Variants in MBOAT2 observed in about 807,000 individuals in gnomAD.
MBOAT2 encodes the protein membrane bound glycerophospholipid O-acyltransferase 2, also known as membrane-bound glycerophospholipid O-acyltransferase 2.
Under a neutral mutation model 63.4 loss-of-function variants are expected in MBOAT2, and 28 were observed. The ratio of observed to expected loss-of-function variants is 0.44; its 90% CI spans 0.33 to 0.61. The LOEUF (loss-of-function observed/expected upper bound fraction) is 0.61, where lower values mean the gene tolerates loss of function less well. MBOAT2 is among the 20% of genes least tolerant of loss of function. The probability of loss-of-function intolerance (pLI) is 0.03; values close to 1 mark genes in which losing one functional copy is unlikely to be tolerated. For missense variants in MBOAT2, 470 were observed against 605.8 expected (o/e 0.78, Z 2.35); for synonymous variants, 211 against 215.6 (o/e 0.98, Z 0.19).
At chr2:8,860,587 G>C in intron 12 of MBOAT2, 26 bp downstream of exon 12, 1 of 1,603,206 alleles carries the variant, frequency 6.2e-7, no homozygotes, top group Non-Finnish European at 8.5e-7. Flanking sequence ...TATTCCCACT[G>C]ACAAAGTTTT....
At position 8,864,492 on chromosome 2, in the gene MBOAT2, T is replaced by A. The variant is rs142985982; in HGVS notation, c.988-258A>T. 1.6e-3 allele frequency among the ~76,000 whole-genome samples: 251 copies of A among 152,310 alleles called. 1 individual carries two copies. The highest frequency in any genetic ancestry group is 2.6e-3 in the Non-Finnish European group (178 of 68,024). On this transcript the variant is annotated intron_variant, in intron 9 of 12. Transcript: ENST00000305997. ...TGTATGTTAACATTTACAAGGGATG[T>A]CATGGATTTCTTCCAAAGACATTCC...
Position 8,908,629 on chromosome 2 carries a change from A to G in MBOAT2, c.387T>C (p.Asp129=). Residue 129 remains aspartate (D), a synonymous_variant, in exon 4 of 13, where the codon GAT becomes GAC. Coordinates refer to ENST00000305997, the MANE Select transcript of MBOAT2 (RefSeq NM_138799.4). ...YIFDYGQYSA[D]FSGPMMIITQ... ...CAAAGTTTTCATCTTACCCTGAAAA[A>G]TCAGCAGAATATTGTCCATAGTCAA... 6.3e-7 allele frequency: 1 copy of G among 1,595,544 alleles called. No individual in the cohort carries two copies. The highest frequency in any genetic ancestry group is 8.6e-7 in the Non-Finnish European group (1 of 1,166,930).
At chr2:8,913,628 A>T (rs918739737) in intron 3 of MBOAT2, among the ~76,000 whole-genome samples, 1 of 152,220 alleles carries the variant, frequency 6.6e-6, no homozygotes, top group African/African-American at 2.4e-5. Flanking sequence ...CCACAATGTG[A>T]TACCACCTTA....
chr2:8,957,198 T>C (rs546184110), intron 2 of MBOAT2, among the ~76,000 whole-genome samples: 71 of 152,232 alleles, frequency 4.7e-4, no homozygotes, highest in Non-Finnish European at 9.1e-4. Context: ...TATATTGTTC[T>C]TTGTACCTTT....
At chr2:8,912,373 G>GAGAAAGAAAGAAAGAA (rs139345161) in intron 3 of MBOAT2, among the ~76,000 whole-genome samples, 1,015 of 84,316 alleles carry the variant, frequency 0.012, 34 homozygotes, top group Non-Finnish European at 0.016. Flanking sequence ...AAGAAAGAAA[G>GAGAAAGAAAGAAAGAA]AGAAAGAAAG....
rs1028212787 is a variant in MBOAT2, at chr2:8,859,634, T to G, written c.1338-730A>C. Among the ~76,000 whole-genome samples, 11 of 152,320 alleles carry G rather than the reference T, an allele frequency of 7.2e-5. 1 individual carries two copies. Among genetic ancestry groups the G allele is most frequent in the Admixed American group, 7.2e-4 (11 of 15,306 alleles). On this transcript the variant is annotated intron_variant, in intron 12 of 12. Coordinates refer to ENST00000305997, the MANE Select transcript of MBOAT2 (RefSeq NM_138799.4). ...CCTGTATAATTATTGTCATATTTGA[T>G]TCAATAATTTTTTTACGACTCTGTG...
chr2:8,943,776 G>T (rs1573121506), intron 2 of MBOAT2, among the ~76,000 whole-genome samples: 1 of 152,232 alleles, frequency 6.6e-6, no homozygotes. Flanking sequence ...AATACATGAT[G>T]GCTCAAGTCA....
intron 6 of MBOAT2, among the ~76,000 whole-genome samples, chr2:8,880,218 A>G (rs1257655712): frequency 6.6e-6 from 1 of 151,954 alleles, no homozygotes; most frequent in Non-Finnish European, 1.5e-5. Context: ...CCAAGCAGAA[A>G]ATGAGGGTTT....
intron 3 of MBOAT2, among the ~76,000 whole-genome samples, chr2:8,909,155 G>A (rs539473191): frequency 3.9e-5 from 6 of 152,194 alleles, no homozygotes; most frequent in East Asian, 1.9e-4. Flanking sequence ...AGTATGAGTC[G>A]GGTGGCATTT....
chr2:8,873,199 A>G lies in MBOAT2; in HGVS notation c.792T>C (p.Phe264=). 1.9e-6 allele frequency: 3 copies of G among 1,614,222 alleles called. No individual in the cohort carries two copies. The highest frequency in any genetic ancestry group is 2.5e-6 in the Non-Finnish European group (3 of 1,180,016). Residue 264 remains phenylalanine (F), a synonymous_variant, in exon 8 of 13, where the codon TTT becomes TTC. Coordinates refer to ENST00000305997, the MANE Select transcript of MBOAT2 (RefSeq NM_138799.4). ...TTGTTGGCCACGAAGCTGTAGCTTG[A>G]AAATGCTCATCAATGTTGTACTCCA... The part of the protein sequence containing the change: ...LPVEYNIDEH[F]QATASWPTKI...
chr2:8,989,651 T>A (rs1671793001), intron 1 of MBOAT2, among the ~76,000 whole-genome samples: 1 of 152,098 alleles, frequency 6.6e-6, no homozygotes. Context: ...ATAGGAAGTG[T>A]CCAATTCTCT....
At chr2:8,893,735 G>A (rs189736121) in intron 4 of MBOAT2, among the ~76,000 whole-genome samples, 3 of 152,358 alleles carry the variant, frequency 2.0e-5, no homozygotes, top group Admixed American at 1.3e-4. Context: ...TTGAAGGTCT[G>A]CACAGAGAGA....
At chr2:8,910,294 G>C (rs1490217747) in intron 3 of MBOAT2, among the ~76,000 whole-genome samples, 1 of 152,124 alleles carries the variant, frequency 6.6e-6, no homozygotes, top group Non-Finnish European at 1.5e-5. Context: ...GAAGGAAAGA[G>C]GGGTGAAGGA....
In MBOAT2 at chr2:8,857,450, T is replaced by C. The variant is rs1305192281; in HGVS notation, c.*1229A>G. 6.6e-6 allele frequency: 1 copy of C among 152,198 alleles called. No individual in the cohort carries two copies. The highest frequency in any genetic ancestry group is 1.5e-5 in the Non-Finnish European group (1 of 68,032). 9.4% of individuals were successfully genotyped at this position (152,198 alleles called of 1,614,324 possible). ...AAATGGCCCATAAAATAAAAGCACA[T>C]TTTTCCACTTACAGAACCTAAAACT... On this transcript the variant is annotated 3_prime_UTR_variant, in exon 13 of 13. Transcript: ENST00000305997.
chr2:8,894,888 C>CCAGTGGG (rs1315647825), intron 4 of MBOAT2, among the ~76,000 whole-genome samples: 4 of 151,530 alleles, frequency 2.6e-5, no homozygotes, highest in African/African-American at 9.7e-5. Context: ...TTCGTTCCTC[C>CCAGTGGG]CAGTGGGTTC....
intron 7 of MBOAT2, among the ~76,000 whole-genome samples, chr2:8,875,452 T>C (rs1303832785): frequency 1.3e-5 from 2 of 152,198 alleles, no homozygotes; most frequent in East Asian, 3.8e-4. Context: ...TTTGTCAAGT[T>C]TGATTTACTA....
chr2:8,984,202 C>G (rs575097224), intron 1 of MBOAT2, among the ~76,000 whole-genome samples: 2 of 152,184 alleles, frequency 1.3e-5, no homozygotes, highest in African/African-American at 4.8e-5. Flanking sequence ...GTATCTAGAA[C>G]AGTCAACTTC....
chr2:8,961,708 A>G (rs1162863845), intron 1 of MBOAT2, among the ~76,000 whole-genome samples: 1 of 152,188 alleles, frequency 6.6e-6, no homozygotes, highest in Non-Finnish European at 1.5e-5. Flanking sequence ...CTCCTGTTTC[A>G]TAAGCCACGT....
Position 8,940,899 on chromosome 2 carries a change from G to A in MBOAT2, c.299+2288C>T, listed in dbSNP as rs113983204. Among the ~76,000 whole-genome samples the A allele has an allele frequency of 5.0e-3, 752 of 151,752 alleles. 9 individuals are homozygous for A. The highest frequency in any genetic ancestry group is 0.02 in the South Asian group (98 of 4,816). On this transcript the variant is annotated intron_variant, in intron 3 of 12. Transcript: ENST00000305997. The stretch of plus-strand genomic sequence containing the variant: ...GCTAGTCAAAGAAATATATTAAAAC[G>A]TAATGTAAGAAATATATACCATGTA...
Sources: allele counts gnomAD v4.1 joint callset (sites outside exome capture counted in the v4.1 genomes callset), GRCh38; gene constraint gnomAD v4.1.1; transcripts MANE v1.5; gene names NCBI Gene and HGNC (gene_info 2026-07-23, HGNC 2026-07-21).